FAM217A: variants seen among roughly 807,000 people sequenced by gnomAD.
The protein encoded by FAM217A is protein FAM217A.
In FAM217A, 13 loss-of-function variants were observed where a neutral mutation model predicts 18.5. That is an observed-to-expected ratio of 0.70 (90% CI 0.46 to 1.12). The LOEUF is 1.12. Ranked by LOEUF, FAM217A falls within the 50% of genes most tolerant of loss-of-function variation. The probability of loss-of-function intolerance (pLI) is 0.00; values close to 1 mark genes in which losing one functional copy is unlikely to be tolerated. For synonymous variants in FAM217A, 161 were observed against 202.8 expected, an observed-to-expected ratio of 0.79 and a Z score of 1.75; for missense variants, 560 against 575.4, an observed-to-expected ratio of 0.97 and a Z score of 0.27.
chr6:4,071,816 A>G (rs2745453), intron 6 of FAM217A, among the ~76,000 whole-genome samples: 39,895 of 152,052 alleles, frequency 0.26, 6,048 homozygotes, highest in African/African-American at 0.41. Context: ...GCCTCACAGA[A>G]GTAAAATTCT....
At chr6:4,071,687 T>C (rs1769425411) in intron 6 of FAM217A, among the ~76,000 whole-genome samples, 1 of 152,174 alleles carries the variant, frequency 6.6e-6, no homozygotes, top group African/African-American at 2.4e-5. Flanking sequence ...TTTTTTCTCA[T>C]AAAAATAGCC....
In FAM217A at chr6:4,069,410, A is replaced by T; in HGVS notation, c.813T>A (p.Asn271Lys). The change falls in exon 7 of 7, where the codon AAT becomes AAA. Residue 271 changes from asparagine (N) to lysine (K), a missense_variant. Physicochemically the swap from Asn to Lys is moderately conservative, Grantham distance 94. Coordinates refer to ENST00000274673, the MANE Select transcript of FAM217A (RefSeq NM_173563.3). ...CTGCAGGGTCCACTGTCACTTTCCA[A>T]TTGTCAGATTTGGAGAGGGCTAAAT... ...LHNLALSKSD[N>K]WKVTVDPAET... 1 of 1,614,144 alleles carries T rather than the reference A, an allele frequency of 6.2e-7. No homozygotes were observed. Among genetic ancestry groups the T allele is most frequent in the South Asian group, 1.1e-5 (1 of 91,080 alleles).
In FAM217A at chr6:4,069,013, T is replaced by C. The variant is rs1265601730; in HGVS notation, c.1210A>G (p.Lys404Glu). The C allele has an allele frequency of 6.2e-7, 1 of 1,613,864 alleles. No homozygotes were observed. The highest frequency in any genetic ancestry group is 1.7e-5 in the Admixed American group (1 of 59,966). Residue 404 changes from lysine to glutamate, a missense_variant, in exon 7 of 7, where the codon AAA becomes GAA. Physicochemically the swap from Lys to Glu is moderately conservative, Grantham distance 56. Coordinates refer to ENST00000274673, the MANE Select transcript of FAM217A (RefSeq NM_173563.3). ...QLIETYDKNPKSSILSPCQEL... is the reference protein window; with the variant it reads ...QLIETYDKNPESSILSPCQEL... ...TGGCATGGACTTAAAATAGAACTTT[T>C]GGGATTCTTATCATAAGTTTCAATC...
At chr6:4,083,848 C>T (rs1770470199), upstream of FAM217A, among the ~76,000 whole-genome samples, 1 of 152,060 alleles carries the variant, frequency 6.6e-6, no homozygotes, top group South Asian at 2.1e-4. Flanking sequence ...GCCACTGTGC[C>T]CCAGCCTACA....
intron 3 of FAM217A, 46 bp from the exon 4 acceptor site, chr6:4,074,502 A>G: frequency 1.3e-6 from 2 of 1,579,938 alleles, no homozygotes; most frequent in African/African-American, 1.4e-5. Context: ...CATAAAACTG[A>G]TTATATTCAA....
In FAM217A at chr6:4,069,907, A is replaced by G. The variant is rs766028556; in HGVS notation, c.316T>C (p.Ser106Pro). The G allele has an allele frequency of 6.4e-7, 1 of 1,565,792 alleles. No homozygotes were observed. Among genetic ancestry groups the G allele is most frequent in the Non-Finnish European group, 8.6e-7 (1 of 1,157,338 alleles). Reference protein sequence around the residue: ...STIEKREFKKSSVETGFNVIN... With the variant: ...STIEKREFKKPSVETGFNVIN... Reference sequence around the variant, plus strand: ...ACATTAAAGCCAGTTTCCACTGAAGATTTTTTGAATTCCCTTTAAAAAATA... The same window carrying G: ...ACATTAAAGCCAGTTTCCACTGAAGGTTTTTTGAATTCCCTTTAAAAAATA... The change falls in exon 7 of 7, where the codon TCT (serine) becomes CCT (proline). Residue 106 changes from serine to proline, a missense_variant. Physicochemically the swap from Ser to Pro is moderately conservative, Grantham distance 74. Coordinates refer to ENST00000274673, the MANE Select transcript of FAM217A (RefSeq NM_173563.3).
chr6:4,085,311 A>AAAAAAATAT (rs377046907), intron 1 of FAM217A, among the ~76,000 whole-genome samples: 1 of 146,420 alleles, frequency 6.8e-6, no homozygotes, highest in African/African-American at 2.5e-5. Context: ...TGTAAAAAAA[A>AAAAAAATAT]ATATATATAT....
At chr6:4,083,501 G>A (rs928605196), upstream of FAM217A, among the ~76,000 whole-genome samples, 1 of 151,314 alleles carries the variant, frequency 6.6e-6, no homozygotes, top group Non-Finnish European at 1.5e-5. Flanking sequence ...AATTGCCAAG[G>A]TCATGGCTGG....
Position 4,073,460 on chromosome 6 carries a change from C to A in FAM217A, c.207G>T (p.Leu69Phe), listed in dbSNP as rs146801913. The change falls in exon 5 of 7, where the codon TTG becomes TTT. Residue 69 changes from leucine to phenylalanine, a missense_variant. By Grantham distance (22) the Leu-to-Phe change is conservative (BLOSUM62 0). Coordinates refer to ENST00000274673, the MANE Select transcript of FAM217A (RefSeq NM_173563.3). ...PVEQLMLEPN[L>F]SVHSQKSTQN... is the part of the protein sequence containing the mutation. ...GTGTACTTTTTTGACTATGCACCGA[C>A]AAATTAGGTTCTAGCATCAGTTGCT... 8 of 1,613,490 alleles carry A rather than the reference C, an allele frequency of 5.0e-6. No individual in the cohort carries two copies. Among genetic ancestry groups the A allele is most frequent in the Non-Finnish European group, 6.8e-6 (8 of 1,179,756 alleles).
upstream of FAM217A, chr6:4,079,378 C>T (rs1019726768): frequency 3.5e-6 from 1 of 284,960 alleles, no homozygotes; most frequent in Non-Finnish European, 6.9e-6. Flanking sequence ...GCAGCCCACT[C>T]GGCCATCCTG....
rs1769214053 is a variant in FAM217A at position 4,069,047 on chromosome 6, T to C, written c.1176A>G (p.Pro392=). 1 of 1,614,042 alleles carries C rather than the reference T, an allele frequency of 6.2e-7. No homozygotes were observed. Among genetic ancestry groups the C allele is most frequent in the African/African-American group, 1.3e-5 (1 of 75,036 alleles). Residue 392 remains proline, a synonymous_variant, in exon 7 of 7, where the codon CCA becomes CCG. Coordinates refer to ENST00000274673, the MANE Select transcript of FAM217A (RefSeq NM_173563.3). Reference sequence around the variant, plus strand: ...TATCATAAGTTTCAATCAATTGTTTTGGGGTGGAAGAACTTTTTAGAGACA... The same window carrying C: ...TATCATAAGTTTCAATCAATTGTTTCGGGGTGGAAGAACTTTTTAGAGACA... ...RPLSLKSSST[P]KQLIETYDKN... is the part of the protein sequence containing the mutation.
Position 4,069,586 on chromosome 6 carries a change from C to T in FAM217A, c.637G>A (p.Asp213Asn), listed in dbSNP as rs763255944. Residue 213 changes from aspartate (D) to asparagine (N), a missense_variant, in exon 7 of 7, where the codon GAT becomes AAT. By Grantham distance (23) the Asp-to-Asn change is conservative. Coordinates refer to ENST00000274673, the MANE Select transcript of FAM217A (RefSeq NM_173563.3). ...SDLSENEKTN[D>N]TLLSYFKKVD... is the part of the protein sequence containing the mutation. ...TTTTTAAAATAGCTGAGTAAAGTAT[C>T]ATTTGTCTTCTCATTTTCTGATAAA... 6 of 1,614,056 alleles carry T rather than the reference C, an allele frequency of 3.7e-6. No homozygotes were observed. Among genetic ancestry groups the T allele is most frequent in the Non-Finnish European group, 5.1e-6 (6 of 1,179,986 alleles).
intron 1 of FAM217A, chr6:4,087,003 T>G (rs1561934391): frequency 5.0e-6 from 2 of 399,008 alleles, no homozygotes; most frequent in Admixed American, 4.4e-5. Flanking sequence ...CTAGTTTGGC[T>G]TCTTACCTGT....
rs1456055065 is a variant in FAM217A, at chr6:4,074,521, C to T, written c.145+56G>A. On this transcript the variant is annotated intron_variant, in intron 3 of 6. Transcript: ENST00000274673. ...AAACTGATTATATTCAAAACAAACCCCCTTTTAATATGAGTGATTCTTTCA... is the reference window on the plus strand; with the variant it reads ...AAACTGATTATATTCAAAACAAACCTCCTTTTAATATGAGTGATTCTTTCA... 2.5e-6 allele frequency: 4 copies of T among 1,576,856 alleles called. No individual in the cohort carries two copies. The African/African-American group carries it at 5.4e-5, about 21-fold the overall frequency.
At chr6:4,082,912 A>C (rs1203123387), upstream of FAM217A, among the ~76,000 whole-genome samples, 1 of 152,214 alleles carries the variant, frequency 6.6e-6, no homozygotes, top group Admixed American at 6.5e-5. Context: ...CTGGGACTAC[A>C]GGTGCAGGCC....
chr6:4,079,448 C>T (rs1371823322), upstream of FAM217A: 1 of 361,838 alleles, frequency 2.8e-6, no homozygotes, highest in African/African-American at 2.2e-5. Context: ...CCTTCTCGGG[C>T]CTTCTCGGAC....
upstream of FAM217A, among the ~76,000 whole-genome samples, chr6:4,083,390 G>C (rs577108267): frequency 6.6e-6 from 1 of 152,114 alleles, no homozygotes; most frequent in South Asian, 2.1e-4. Flanking sequence ...TAATTATTCT[G>C]GAGGGAAAAG....
chr6:4,085,976 G>A (rs979696213), intron 1 of FAM217A, among the ~76,000 whole-genome samples: 6 of 151,874 alleles, frequency 4.0e-5, no homozygotes, highest in Non-Finnish European at 7.4e-5. Flanking sequence ...TTAGCTGGGC[G>A]TAGTGATGCA....
chr6:4,086,423 G>A (rs957170535), intron 1 of FAM217A, among the ~76,000 whole-genome samples: 5 of 125,726 alleles, frequency 4.0e-5, no homozygotes, highest in Admixed American at 2.8e-4. Context: ...TCCTGCCTGG[G>A]CAACAAGAGC....
Sources: allele counts gnomAD v4.1 joint callset (sites outside exome capture counted in the v4.1 genomes callset), GRCh38; gene constraint gnomAD v4.1.1; transcripts MANE v1.5; gene names NCBI Gene and HGNC (gene_info 2026-07-23, HGNC 2026-07-21).